Variants in MYH10 observed in about 807,000 individuals in gnomAD.
MYH10 encodes myosin-10.
A neutral mutation model predicts 257.8 loss-of-function variants in MYH10; 55 were observed. That is an observed-to-expected ratio of 0.21 (90% confidence interval 0.17 to 0.27). The LOEUF is 0.27. Ranked by LOEUF, MYH10 falls within the 10% of genes least tolerant of loss-of-function variation. The probability of loss-of-function intolerance (pLI) is 1.00; values close to 1 mark genes in which losing one functional copy is unlikely to be tolerated. For missense variants in MYH10, 1,631 were observed against 2,500.6 expected (o/e 0.65, Z 7.42); for synonymous variants, 854 against 921.7 (o/e 0.93, Z 1.33).
rs1275662187 is a variant in MYH10, at chr17:8,569,709, T to C, written c.756+11A>G. 6.3e-7 allele frequency: 1 copy of C among 1,582,896 alleles called. No homozygotes were observed. The highest frequency in any genetic ancestry group is 8.6e-7 in the Non-Finnish European group (1 of 1,156,422). On this transcript the variant is annotated intron_variant, in intron 7 of 42. Transcript: ENST00000360416. This position sits in a 1 kb window ranked among gnomAD's most constrained non-coding sequence, Gnocchi z 4.1. The stretch of plus-strand genomic sequence containing the variant: ...TAAGGAATTAAAAGCTTCTGGTGCT[T>C]TGAAACTTACAAAACGAGATGAGTT...
chr17:8,514,551 G>A (rs1459061257), intron 21 of MYH10, among the ~76,000 whole-genome samples: 1 of 152,010 alleles, frequency 6.6e-6, no homozygotes, highest in East Asian at 1.9e-4. Context: ...CAGGGTCTGA[G>A]ACCCAGTTCC....
Position 8,548,753 on chromosome 17 carries a change from C to A in MYH10, c.954G>T (p.Arg318Ser). 2 of 1,612,846 alleles carry A rather than the reference C, an allele frequency of 1.2e-6. No individual in the cohort carries two copies. Among genetic ancestry groups the A allele is most frequent in the Non-Finnish European group, 1.7e-6 (2 of 1,179,074 alleles). The change falls in exon 10 of 43, where the codon AGG becomes AGT. Residue 318 changes from arginine (R) to serine (S), a missense_variant. Physicochemically the swap from Arg to Ser is moderately radical, Grantham distance 110. Around this residue, in one of 11 missense-constraint regions of MYH10, gnomAD observed 360 missense variants for 581.9 expected, o/e 0.62. Transcript: ENST00000360416. ...DLLLEGFNNY[R>S]FLSNGYIPIP... is the part of the protein sequence containing the mutation. ...TAGGAATATAGCCATTGGAGAGAAA[C>A]CTGTAGTTATTAAATCCTTCAAGAA...
chr17:8,544,992 G>T (rs2082400381), intron 13 of MYH10, among the ~76,000 whole-genome samples: 1 of 152,118 alleles, frequency 6.6e-6, no homozygotes, highest in African/African-American at 2.4e-5. Context: ...CCCCTTGATG[G>T]TCTCTCGACC....
At position 8,489,706 on chromosome 17, in the gene MYH10, AAAACACACACACAC is replaced by A. The variant is rs760752447; in HGVS notation, c.4884+620_4884+633del. ...GTGACAGAGCGAGACTCCGTCTGAA[AAAACACACACACAC>A]ACACACACACACACACACACACACA... On this transcript the variant is annotated intron_variant, in intron 35 of 42. Transcript: ENST00000360416. Among the ~76,000 whole-genome samples, 92 of 112,716 alleles carry A rather than the reference AAAACACACACACAC, an allele frequency of 8.2e-4. 2 individuals are homozygous for A. Among genetic ancestry groups the A allele is most frequent in the Admixed American group, 2.8e-3 (35 of 12,442 alleles). 73.9% of individuals were successfully genotyped at this position (112,716 alleles called of 152,430 possible).
In MYH10 at chr17:8,474,508, G is replaced by A. The variant is rs550377014; in HGVS notation, c.*1296C>T. ...GGTTTGTGTTTTCAAGCACATTGCAGAGGATCAAGGATTTAGAATTAACAC... is the reference window on the plus strand; with the variant it reads ...GGTTTGTGTTTTCAAGCACATTGCAAAGGATCAAGGATTTAGAATTAACAC... On this transcript the variant is annotated 3_prime_UTR_variant, in exon 43 of 43. Coordinates refer to ENST00000360416, the MANE Select transcript of MYH10 (RefSeq NM_001256012.3). 1.2e-4 allele frequency: 18 copies of A among 152,736 alleles called. No homozygotes were observed. The highest frequency in any genetic ancestry group is 4.1e-4 in the African/African-American group (17 of 41,574). The allele number at this position is 152,736 out of a possible 1,614,324, so 9.5% of individuals were successfully genotyped here. A position where few individuals can be genotyped will look rare whatever the true frequency, so the allele number is the denominator to read the frequency against.
chr17:8,554,106 C>A, intron 7 of MYH10, 88 bp from the exon 8 acceptor site: 1 of 900,518 alleles, frequency 1.1e-6, no homozygotes. Context: ...AACAAGTATC[C>A]ATGAATTAGT....
chr17:8,598,710 CTTT>C (rs11442242), intron 3 of MYH10, among the ~76,000 whole-genome samples: 1 of 142,804 alleles, frequency 7.0e-6, no homozygotes, highest in African/African-American at 2.6e-5. Context: ...CATTTTGTAC[CTTT>C]TTTTTTTTTT....
At chr17:8,533,920 A>G (rs2082071661) in intron 16 of MYH10, among the ~76,000 whole-genome samples, 1 of 152,144 alleles carries the variant, frequency 6.6e-6, no homozygotes, top group Admixed American at 6.5e-5. Flanking sequence ...AAGGAATGCA[A>G]ATCCTTACGA....
At chr17:8,581,576 G>A (rs907416622) in intron 4 of MYH10, among the ~76,000 whole-genome samples, 1 of 152,072 alleles carries the variant, frequency 6.6e-6, no homozygotes, top group Non-Finnish European at 1.5e-5. Flanking sequence ...AGGTAACTCT[G>A]CTATAGAAAA....
chr17:8,552,989 C>T lies in MYH10; in HGVS notation c.821-845G>A, dbSNP rs2151966153. ...TGGGTTGACAGTCACACCGGCATCTCAGAGAACGTGTATCACAGCTTTGGA... is the reference window on the plus strand; with the variant it reads ...TGGGTTGACAGTCACACCGGCATCTTAGAGAACGTGTATCACAGCTTTGGA... On this transcript the variant is annotated intron_variant, in intron 8 of 42. Coordinates refer to ENST00000360416, the MANE Select transcript of MYH10 (RefSeq NM_001256012.3). This position sits in a 1 kb window ranked among gnomAD's most constrained non-coding sequence, Gnocchi z 4.8. Among the ~76,000 whole-genome samples the T allele has an allele frequency of 6.6e-6, 1 of 152,292 alleles. No homozygotes were observed. Among genetic ancestry groups the T allele is most frequent in the East Asian group, 1.9e-4 (1 of 5,186 alleles).
chr17:8,627,517 G>A (rs1051566292), intron 1 of MYH10, among the ~76,000 whole-genome samples: 5 of 152,038 alleles, frequency 3.3e-5, no homozygotes, highest in Admixed American at 6.5e-5. Context: ...CCTACCCTGC[G>A]TTGTACCAGA....
chr17:8,496,972 G>A (rs1430663147), intron 30 of MYH10, among the ~76,000 whole-genome samples: 2 of 152,202 alleles, frequency 1.3e-5, no homozygotes, highest in East Asian at 1.9e-4. Context: ...CCTGGGGGCC[G>A]AGTCTGTAAT....
chr17:8,598,512 T>C (rs2084471819), intron 3 of MYH10, among the ~76,000 whole-genome samples: 1 of 152,328 alleles, frequency 6.6e-6, no homozygotes, highest in South Asian at 2.1e-4. Context: ...TTTTTTATTA[T>C]GAAATGACAC....
At position 8,630,321 on chromosome 17, in the gene MYH10, C is replaced by T. The variant is rs565741585; in HGVS notation, c.-32+333G>A. 3.4e-3 allele frequency among the ~76,000 whole-genome samples: 515 copies of T among 151,612 alleles called. 3 individuals are homozygous for T. Among genetic ancestry groups the T allele is most frequent in the African/African-American group, 0.012 (490 of 41,310 alleles). ...CCACCCCCAGATCTCCATCCCCCAG[C>T]CCCCCAGGGGTCGCCCTCCTGCACA... On this transcript the variant is annotated intron_variant, in intron 1 of 42. Transcript: ENST00000360416.
chr17:8,510,040 AT>A lies in MYH10; in HGVS notation c.2953-92del, dbSNP rs35193113. 5.5e-3 allele frequency: 4,942 copies of A among 905,218 alleles called. 30 individuals are homozygous for A. The highest frequency in any genetic ancestry group is 0.047 in the African/African-American group (2,551 of 53,842). The allele number at this position is 905,218 out of a possible 1,614,324, so 56.1% of individuals were successfully genotyped here. On this transcript the variant is annotated intron_variant, in intron 24 of 42. Coordinates refer to ENST00000360416, the MANE Select transcript of MYH10 (RefSeq NM_001256012.3). ...AGGAATGCATTACAATGAGATACTA[AT>A]TTTTTTTTTTTTTTTGACACGGAGT...
At chr17:8,628,153 A>G (rs1271834339) in intron 1 of MYH10, among the ~76,000 whole-genome samples, 2 of 152,254 alleles carry the variant, frequency 1.3e-5, no homozygotes, top group African/African-American at 2.4e-5. Context: ...AAAGATACCC[A>G]TAACTTAGGG....
intron 30 of MYH10, among the ~76,000 whole-genome samples, chr17:8,495,892 G>T (rs1916525339): frequency 6.6e-6 from 1 of 152,024 alleles, no homozygotes; most frequent in Non-Finnish European, 1.5e-5. Context: ...TGTATCTTTA[G>T]TAGAGACGGG....
At chr17:8,502,597 A>G (rs1489272025) in intron 28 of MYH10, among the ~76,000 whole-genome samples, 1 of 152,124 alleles carries the variant, frequency 6.6e-6, no homozygotes, top group African/African-American at 2.4e-5. Flanking sequence ...TTTTTCATCA[A>G]AAGTCCTTAA....
rs867029058 is a variant in MYH10 at position 8,601,998 on chromosome 17, C to T, written c.502+2828G>A. 3.2e-5 allele frequency among the ~76,000 whole-genome samples: 4 copies of T among 126,002 alleles called. No individual in the cohort carries two copies. In the East Asian group the frequency reaches 7.1e-4, roughly 22 times the overall value. 82.7% of individuals were successfully genotyped at this position (126,002 alleles called of 152,430 possible). ...GAATCTTTTTTTTTTTTTTTTGAGA[C>T]GGAGTCTCGTTCTTTCGCCCAGGCC... On this transcript the variant is annotated intron_variant, in intron 3 of 42. Coordinates refer to ENST00000360416, the MANE Select transcript of MYH10 (RefSeq NM_001256012.3).
Sources: allele counts gnomAD v4.1 joint callset (sites outside exome capture counted in the v4.1 genomes callset), GRCh38; gene constraint gnomAD v4.1.1; regional missense constraint gnomAD v4.1.1; non-coding constraint Gnocchi (gnomAD v3.1); transcripts MANE v1.5; gene names NCBI Gene and HGNC (gene_info 2026-07-23, HGNC 2026-07-21).